The following SLC9A9 variants were observed in gnomAD, a reference collection of about 807,000 sequenced individuals.
The protein encoded by SLC9A9 is solute carrier family 9 member A9.
SLC9A9 carries 62 observed loss-of-function variants against 77.8 expected under a neutral mutation model. The observed-to-expected ratio is 0.80, with a 90% CI of 0.65 to 0.98. The LOEUF is 0.98. Ranked by LOEUF, SLC9A9 falls within the 50% of genes least tolerant of loss-of-function variation. The probability of loss-of-function intolerance (pLI) is 0.00; values close to 1 mark genes in which losing one functional copy is unlikely to be tolerated. For missense variants in SLC9A9, 775 were observed against 774.9 expected (o/e 1.00, Z 0.00); for synonymous variants, 320 against 283.5 (o/e 1.13, Z -1.29).
chr3:143,518,989 A>C (rs550661618), intron 9 of SLC9A9, among the ~76,000 whole-genome samples: 101 of 152,354 alleles, frequency 6.6e-4, no homozygotes, highest in African/African-American at 2.1e-3. Flanking sequence ...ATCCTTGCCC[A>C]AACTTGACAT....
At chr3:143,561,930 T>G (rs1467241597) in intron 8 of SLC9A9, among the ~76,000 whole-genome samples, 1 of 152,208 alleles carries the variant, frequency 6.6e-6, no homozygotes, top group Non-Finnish European at 1.5e-5. Context: ...TGTCTTCCCT[T>G]CACCTTTAAC....
chr3:143,748,524 T>C (rs1337561147), intron 4 of SLC9A9, among the ~76,000 whole-genome samples: 1 of 152,214 alleles, frequency 6.6e-6, no homozygotes, highest in Non-Finnish European at 1.5e-5. Flanking sequence ...GCTGCTGCTC[T>C]GACCATCCAG....
intron 2 of SLC9A9, among the ~76,000 whole-genome samples, chr3:143,815,209 A>C (rs1034396425): frequency 1.3e-5 from 2 of 152,212 alleles, no homozygotes; most frequent in Non-Finnish European, 1.5e-5. Context: ...AGACATTCAA[A>C]TCTGTGGACT....
chr3:143,460,608 A>G (rs558032953), intron 12 of SLC9A9, among the ~76,000 whole-genome samples: 1 of 152,302 alleles, frequency 6.6e-6, no homozygotes, highest in Middle Eastern at 3.4e-3. Context: ...GATATTCTCA[A>G]GAGCACCTTC....
intron 11 of SLC9A9, among the ~76,000 whole-genome samples, chr3:143,479,986 G>A (rs2035547466): frequency 1.3e-5 from 2 of 152,178 alleles, no homozygotes; most frequent in Admixed American, 6.5e-5. Flanking sequence ...CCTGTGCCAG[G>A]CATATTTTAC....
intron 4 of SLC9A9, among the ~76,000 whole-genome samples, chr3:143,722,432 C>A (rs1934527486): frequency 7.1e-6 from 1 of 141,346 alleles, no homozygotes; most frequent in South Asian, 2.3e-4. Context: ...GAGATCAGGC[C>A]ACTGCACTCC....
chr3:143,360,592 G>A (rs2032723206), intron 14 of SLC9A9, among the ~76,000 whole-genome samples: 1 of 152,130 alleles, frequency 6.6e-6, no homozygotes, highest in Admixed American at 6.6e-5. Context: ...CATCCTCATT[G>A]AATGTTAAGT....
chr3:143,580,140 C>T (rs2037428799), intron 6 of SLC9A9, among the ~76,000 whole-genome samples: 1 of 152,182 alleles, frequency 6.6e-6, no homozygotes. Context: ...TCCTTTGTAT[C>T]TGCAAGTCCT....
At chr3:143,371,727 C>A (rs1305836030) in intron 13 of SLC9A9, among the ~76,000 whole-genome samples, 1 of 152,002 alleles carries the variant, frequency 6.6e-6, no homozygotes, top group African/African-American at 2.4e-5. Context: ...TAGAATCAGG[C>A]AAGGGAAGGA....
intron 4 of SLC9A9, among the ~76,000 whole-genome samples, chr3:143,732,262 T>C (rs1166022772): frequency 6.6e-6 from 1 of 152,242 alleles, no homozygotes; most frequent in African/African-American, 2.4e-5. Flanking sequence ...TATGGGTCTT[T>C]GTCAAAAATC....
At chr3:143,647,351 T>A (rs2108744220) in intron 6 of SLC9A9, among the ~76,000 whole-genome samples, 1 of 152,324 alleles carries the variant, frequency 6.6e-6, no homozygotes, top group Non-Finnish European at 1.5e-5. Flanking sequence ...CGTCATTTAA[T>A]TTTTTTGTAG....
chr3:143,435,950 G>A (rs866367219), intron 12 of SLC9A9, among the ~76,000 whole-genome samples: 2 of 152,280 alleles, frequency 1.3e-5, no homozygotes, highest in Middle Eastern at 3.4e-3. Flanking sequence ...ACAGAACTAG[G>A]AGAAATCATG....
intron 4 of SLC9A9, among the ~76,000 whole-genome samples, chr3:143,792,358 T>C (rs2008249488): frequency 6.6e-6 from 1 of 152,254 alleles, no homozygotes; most frequent in African/African-American, 2.4e-5. Context: ...TCTGAAATTA[T>C]ATATCAAGAC....
At chr3:143,395,397 G>A (rs148996702) in intron 12 of SLC9A9, among the ~76,000 whole-genome samples, 15,843 of 152,256 alleles carry the variant, frequency 0.1, 943 homozygotes, top group South Asian at 0.16. Flanking sequence ...CTAGCCATAT[G>A]TAGAAAACTG....
intron 12 of SLC9A9, among the ~76,000 whole-genome samples, chr3:143,404,245 C>T (rs2033926068): frequency 6.6e-6 from 1 of 151,042 alleles, no homozygotes; most frequent in Admixed American, 6.6e-5. Flanking sequence ...GTGATCTGAG[C>T]TCACTGCAAC....
intron 4 of SLC9A9, among the ~76,000 whole-genome samples, chr3:143,755,646 T>C (rs903554541): frequency 6.6e-6 from 1 of 152,098 alleles, no homozygotes. Flanking sequence ...AAGATAGAAA[T>C]ATGGCAGGAT....
At chr3:143,666,970 G>C (rs1174187414) in intron 5 of SLC9A9, among the ~76,000 whole-genome samples, 1 of 152,056 alleles carries the variant, frequency 6.6e-6, no homozygotes. Context: ...TCACAGAATT[G>C]GAAAAAACTA....
chr3:143,634,620 GA>G (rs1388805691), intron 6 of SLC9A9, among the ~76,000 whole-genome samples: 2 of 151,878 alleles, frequency 1.3e-5, no homozygotes, highest in Non-Finnish European at 2.9e-5. Flanking sequence ...TTGTTTGCTT[GA>G]TACTTAGGAG....
At chr3:143,451,156 A>G (rs1420828470) in intron 12 of SLC9A9, among the ~76,000 whole-genome samples, 1 of 151,924 alleles carries the variant, frequency 6.6e-6, no homozygotes, top group Non-Finnish European at 1.5e-5. Flanking sequence ...CACTGGCAAG[A>G]GTGTTATTAA....
Sources: gnomAD v4.1 joint callset for allele counts (sites outside exome capture counted in the v4.1 genomes callset) on GRCh38, gnomAD v4.1.1 for gene constraint, MANE v1.5 for transcripts, NCBI Gene and HGNC (gene_info 2026-07-23, HGNC 2026-07-21) for gene names.